The following NTM variants were observed in gnomAD, a reference collection of about 807,000 sequenced individuals.
The protein encoded by NTM is neurotrimin.
Under a neutral mutation model 42.1 loss-of-function variants are expected in NTM, and 13 were observed. The observed-to-expected ratio is 0.31, with a 90% CI of 0.20 to 0.49. The LOEUF (loss-of-function observed/expected upper bound fraction) is 0.49, where lower values mean the gene tolerates loss of function less well. Among genes scored for constraint, NTM ranks in the 20% least tolerant of loss-of-function variants. The probability of loss-of-function intolerance (pLI) is 0.99; values close to 1 mark genes in which losing one functional copy is unlikely to be tolerated. For synonymous variants in NTM, 187 were observed against 179.2 expected (o/e 1.04, Z -0.35); for missense variants, 373 against 452.8 (o/e 0.82, Z 1.60).
At chr11:132,092,879 C>A (rs574693090) in intron 2 of NTM, among the ~76,000 whole-genome samples, 2 of 152,320 alleles carry the variant, frequency 1.3e-5, no homozygotes, top group African/African-American at 4.8e-5. Context: ...CTAAACATTT[C>A]TTTCCATCCC....
At chr11:131,851,883 G>A (rs2045595487) in intron 1 of NTM, among the ~76,000 whole-genome samples, 1 of 152,088 alleles carries the variant, frequency 6.6e-6, no homozygotes, top group Non-Finnish European at 1.5e-5. Flanking sequence ...AAAGCAAGGA[G>A]GAGGAAAAAG....
intron 2 of NTM, among the ~76,000 whole-genome samples, chr11:132,069,375 G>A (rs569371791): frequency 7.7e-5 from 8 of 103,970 alleles, no homozygotes; most frequent in African/African-American, 3.4e-4. Context: ...TCACAGGTTA[G>A]TTAACACGTC....
intron 2 of NTM, among the ~76,000 whole-genome samples, chr11:131,945,853 G>T (rs2060282437): frequency 6.6e-6 from 1 of 152,174 alleles, no homozygotes; most frequent in African/African-American, 2.4e-5. Context: ...GTATTAAAAT[G>T]AATAGATGGC....
chr11:132,155,506 A>G (rs2072978163), intron 3 of NTM, among the ~76,000 whole-genome samples: 2 of 152,176 alleles, frequency 1.3e-5, no homozygotes, highest in African/African-American at 2.4e-5. Context: ...TCTGGGTCGC[A>G]TCCCGTTTCT....
chr11:131,676,894 G>A (rs368871672), intron 1 of NTM, among the ~76,000 whole-genome samples: 4 of 152,172 alleles, frequency 2.6e-5, no homozygotes, highest in East Asian at 1.9e-4. Context: ...TATTACAGTC[G>A]CCTCACGACG....
chr11:131,722,021 A>AAAAGAGAG (rs368857349), intron 1 of NTM, among the ~76,000 whole-genome samples: 1 of 112,746 alleles, frequency 8.9e-6, no homozygotes, highest in East Asian at 2.8e-4. Context: ...AAAAAAAAAA[A>AAAAGAGAG]AGAGAGAAAG....
intron 4 of NTM, among the ~76,000 whole-genome samples, chr11:132,221,088 C>T (rs1383582908): frequency 1.3e-5 from 2 of 152,162 alleles, no homozygotes; most frequent in African/African-American, 2.4e-5. Context: ...GAGAAACTTT[C>T]GGATGAAAAC....
At chr11:131,524,577 A>G (rs1306486197) in intron 1 of NTM, among the ~76,000 whole-genome samples, 2 of 152,254 alleles carry the variant, frequency 1.3e-5, no homozygotes, top group South Asian at 2.1e-4. Flanking sequence ...GACTAGCCAT[A>G]GCCGCTGATT....
At chr11:131,878,387 A>C (rs1329626929) in intron 1 of NTM, among the ~76,000 whole-genome samples, 1 of 151,444 alleles carries the variant, frequency 6.6e-6, no homozygotes, top group Non-Finnish European at 1.5e-5. Flanking sequence ...CCTGGCCAAC[A>C]TGGTGAAACA....
At chr11:131,562,205 G>C (rs993559573) in intron 1 of NTM, among the ~76,000 whole-genome samples, 2 of 152,034 alleles carry the variant, frequency 1.3e-5, no homozygotes, top group Non-Finnish European at 2.9e-5. Context: ...TGATGGATGA[G>C]GGAAAAGTCT....
At chr11:131,740,349 C>T (rs2081029219) in intron 1 of NTM, among the ~76,000 whole-genome samples, 1 of 152,098 alleles carries the variant, frequency 6.6e-6, no homozygotes, top group Non-Finnish European at 1.5e-5. Flanking sequence ...GTCTAAGGTG[C>T]ACAAAATGAA....
At chr11:131,669,605 C>T (rs1035641188) in intron 1 of NTM, among the ~76,000 whole-genome samples, 9 of 152,034 alleles carry the variant, frequency 5.9e-5, no homozygotes, top group Middle Eastern at 3.2e-3. Flanking sequence ...AGCAATTCAG[C>T]GGTGGGGGCA....
At chr11:131,415,884 T>G (rs1309467557) in intron 1 of NTM, among the ~76,000 whole-genome samples, 2 of 152,200 alleles carry the variant, frequency 1.3e-5, no homozygotes, top group Admixed American at 1.3e-4. Context: ...ATGTGTTTAT[T>G]TTGGTAGTGG....
chr11:131,574,858 C>A (rs1445539254), intron 1 of NTM, among the ~76,000 whole-genome samples: 1 of 152,100 alleles, frequency 6.6e-6, no homozygotes. Flanking sequence ...CCACTGTTAC[C>A]TCTGGGAAGA....
intron 1 of NTM, chr11:131,795,721 C>A (rs1205541120): frequency 1.0e-6 from 1 of 985,190 alleles, no homozygotes; most frequent in Non-Finnish European, 1.2e-6. Flanking sequence ...CTGGGCATTG[C>A]CTGAGGTGGT....
At chr11:132,087,736 A>G (rs1247131760) in intron 2 of NTM, among the ~76,000 whole-genome samples, 3 of 151,412 alleles carry the variant, frequency 2.0e-5, no homozygotes, top group Non-Finnish European at 4.4e-5. Flanking sequence ...AGCAAAGGGA[A>G]AAAAAAAAGC....
intron 4 of NTM, among the ~76,000 whole-genome samples, chr11:132,228,304 G>A (rs2086739139): frequency 6.6e-6 from 1 of 152,134 alleles, no homozygotes; most frequent in Non-Finnish European, 1.5e-5. Context: ...TACATCAAGG[G>A]GGCAGAGGAA....
chr11:131,596,117 T>C (rs760692229), intron 1 of NTM, among the ~76,000 whole-genome samples: 2 of 152,192 alleles, frequency 1.3e-5, no homozygotes, highest in Non-Finnish European at 2.9e-5. Flanking sequence ...TGAACCTACC[T>C]CACGGTATTT....
At chr11:132,023,780 GTTGGTGGTTTTGTTGT>G (rs1565969303) in intron 2 of NTM, among the ~76,000 whole-genome samples, 4 of 95,378 alleles carry the variant, frequency 4.2e-5, no homozygotes, top group South Asian at 3.4e-4. Context: ...TTTTGTTGTT[GTTGGTGGTTTTGTTGT>G]TGGTGGTGGT....
Sources: gnomAD v4.1 joint callset for allele counts (sites outside exome capture counted in the v4.1 genomes callset) on GRCh38, gnomAD v4.1.1 for gene constraint, MANE v1.5 for transcripts, NCBI Gene and HGNC (gene_info 2026-07-23, HGNC 2026-07-21) for gene names.